Variants in GATB observed in about 807,000 individuals in gnomAD.
GATB encodes glutamyl-tRNA(Gln) amidotransferase subunit B, mitochondrial.
Under a neutral mutation model 62.3 loss-of-function variants are expected in GATB, and 39 were observed. The observed-to-expected ratio is 0.63, with a 90% CI of 0.48 to 0.82. The LOEUF (loss-of-function observed/expected upper bound fraction) is 0.82. Among genes scored for constraint, GATB ranks in the 40% least tolerant of loss-of-function variants. The pLI is 0.00. For missense variants in GATB, 670 were observed against 684.0 expected (o/e 0.98, Z 0.23); for synonymous variants, 276 against 258.9 (o/e 1.07, Z -0.63).
Position 151,716,102 on chromosome 4 carries a change from G to C in GATB, c.670C>G (p.Pro224Ala). ...GCCTCTTCTCCACAGGACATGTCGG[G>C]CTCCAGGACCACCTCCAGAAGGCCC... is the stretch of plus-strand genomic sequence containing the variant. ...GVGLLEVVLE[P>A]DMSCGEEAAT... Residue 224 changes from proline (P) to alanine (A), a missense_variant, in exon 5 of 13, where the codon CCC becomes GCC. Pro to Ala is a conservative substitution (Grantham distance 27). Coordinates refer to ENST00000263985, the MANE Select transcript of GATB (RefSeq NM_004564.3). 1 of 1,613,778 alleles carries C rather than the reference G, an allele frequency of 6.2e-7. No individual in the cohort carries two copies. The highest frequency in any genetic ancestry group is 8.5e-7 in the Non-Finnish European group (1 of 1,179,902).
intron 11 of GATB, chr4:151,674,701 G>C (rs1046470535): frequency 1.3e-5 from 2 of 152,182 alleles, no homozygotes; most frequent in South Asian, 4.1e-4. Context: ...GTATCCATCA[G>C]ATGTATTTAT....
chr4:151,756,306 G>T (rs924723631), intron 2 of GATB, among the ~76,000 whole-genome samples: 1 of 152,160 alleles, frequency 6.6e-6, no homozygotes, highest in Non-Finnish European at 1.5e-5. Flanking sequence ...AGCAGAGTCT[G>T]GCTATCAGAG....
chr4:151,673,143 TCTC>T (rs1312896390), intron 11 of GATB: 1 of 434,920 alleles, frequency 2.3e-6, no homozygotes, highest in African/African-American at 2.0e-5. Context: ...GCACCTGGGG[TCTC>T]CTCCTGAGGC....
intron 5 of GATB, among the ~76,000 whole-genome samples, chr4:151,710,607 C>T (rs753155294): frequency 3.3e-5 from 5 of 152,178 alleles, no homozygotes; most frequent in Non-Finnish European, 7.3e-5. Flanking sequence ...ACACAGGACA[C>T]GCTTGTCTTC....
chr4:151,718,231 C>A (rs1738954640), intron 3 of GATB, among the ~76,000 whole-genome samples: 1 of 152,150 alleles, frequency 6.6e-6, no homozygotes, highest in South Asian at 2.1e-4. Context: ...AAAAGGCTAA[C>A]CCGTTTTCTA....
chr4:151,685,570 G>A (rs899658146), intron 10 of GATB, among the ~76,000 whole-genome samples: 6 of 152,080 alleles, frequency 3.9e-5, no homozygotes, highest in African/African-American at 1.5e-4. Context: ...TGCTGTTCCT[G>A]CACCTGGGCT....
At chr4:151,754,232 T>A (rs1739777443) in intron 2 of GATB, among the ~76,000 whole-genome samples, 1 of 152,346 alleles carries the variant, frequency 6.6e-6, no homozygotes, top group Non-Finnish European at 1.5e-5. Flanking sequence ...AATGCCCATA[T>A]TCAAATTCTA....
At position 151,672,596 on chromosome 4, in the gene GATB, C is replaced by T. The variant is rs1410272347; in HGVS notation, c.1545+166G>A. ...GTGTTTTTCCAATATCCACCTATTT[C>T]ATCTCTTCTGACCTTAACTAAAAAG... is the stretch of plus-strand genomic sequence containing the variant. On this transcript the variant is annotated intron_variant, in intron 12 of 12. Coordinates refer to ENST00000263985, the MANE Select transcript of GATB (RefSeq NM_004564.3). 9.2e-6 allele frequency: 6 copies of T among 650,460 alleles called. No homozygotes were observed. In the Admixed American group the frequency reaches 1.8e-4, roughly 19 times the overall value. The allele number at this position is 650,460 out of a possible 1,614,324, so 40.3% of individuals were successfully genotyped here.
chr4:151,742,452 T>C (rs1201915383), intron 2 of GATB, among the ~76,000 whole-genome samples: 1 of 152,204 alleles, frequency 6.6e-6, no homozygotes, highest in Non-Finnish European at 1.5e-5. Flanking sequence ...CCTTCCCTGC[T>C]CCATTCTGAG....
intron 2 of GATB, among the ~76,000 whole-genome samples, chr4:151,724,644 C>A (rs1299192718): frequency 6.6e-6 from 1 of 152,024 alleles, no homozygotes; most frequent in Non-Finnish European, 1.5e-5. Context: ...GCTGGGAATG[C>A]CCTTCTTCCT....
Position 151,758,835 on chromosome 4 carries a change from G to A in GATB, c.264C>T (p.Arg88=). 5 of 1,610,878 alleles carry A rather than the reference G, an allele frequency of 3.1e-6. No homozygotes were observed. The highest frequency in any genetic ancestry group is 4.2e-6 in the Non-Finnish European group (5 of 1,178,318). The change falls in exon 2 of 13, where the codon CGC becomes CGT. Residue 88 remains arginine (R), a synonymous_variant. Transcript: ENST00000263985. ...CCAAAGAATTTGGAGGTGCTGAAAA[G>A]CGAACTTGAGATCCAGAGAAGAGTT... ...NSKLFSGSQV[R]FSAPPNSLVS... is the part of the protein sequence containing the mutation.
intron 10 of GATB, 102 bp downstream of exon 10, chr4:151,688,528 T>C (rs1738297379): frequency 5.3e-6 from 6 of 1,129,022 alleles, no homozygotes; most frequent in Non-Finnish European, 7.6e-6. Context: ...CAGGATATCC[T>C]GAGGGAGAAC....
intron 8 of GATB, among the ~76,000 whole-genome samples, chr4:151,703,005 C>A (rs1560849812): frequency 6.6e-6 from 1 of 152,150 alleles, no homozygotes; most frequent in Non-Finnish European, 1.5e-5. Flanking sequence ...CCGGACTCCA[C>A]ACTCAGGGGA....
chr4:151,709,531 C>T (rs1397641992), intron 5 of GATB, among the ~76,000 whole-genome samples: 1 of 152,146 alleles, frequency 6.6e-6, no homozygotes, highest in Non-Finnish European at 1.5e-5. Flanking sequence ...CTGAGGTCAT[C>T]TTCTACTTCT....
chr4:151,711,873 T>C (rs966566779), intron 5 of GATB, among the ~76,000 whole-genome samples: 4 of 152,200 alleles, frequency 2.6e-5, no homozygotes. Context: ...GACTGGTTTC[T>C]GTCTCACACT....
chr4:151,739,838 G>C (rs1429815382), intron 2 of GATB, among the ~76,000 whole-genome samples: 1 of 152,226 alleles, frequency 6.6e-6, no homozygotes, highest in Non-Finnish European at 1.5e-5. Flanking sequence ...CCCCATGGCT[G>C]AGCATTCCTA....
At chr4:151,745,627 T>C (rs1435606217) in intron 2 of GATB, among the ~76,000 whole-genome samples, 2 of 152,244 alleles carry the variant, frequency 1.3e-5, no homozygotes, top group African/African-American at 2.4e-5. Flanking sequence ...AGCACAGCAT[T>C]TGCATTGTTT....
chr4:151,753,806 C>A (rs1739768218), intron 2 of GATB, among the ~76,000 whole-genome samples: 1 of 151,958 alleles, frequency 6.6e-6, no homozygotes, highest in African/African-American at 2.4e-5. Flanking sequence ...TTAAGAAAGA[C>A]ATGACCAATA....
chr4:151,675,640 A>G (rs1308383199), intron 11 of GATB: 1 of 152,218 alleles, frequency 6.6e-6, no homozygotes, highest in Admixed American at 6.5e-5. Flanking sequence ...CCACCCTGAG[A>G]AGTGATATCC....
Sources: allele counts gnomAD v4.1 joint callset (sites outside exome capture counted in the v4.1 genomes callset), GRCh38; gene constraint gnomAD v4.1.1; transcripts MANE v1.5; gene names NCBI Gene and HGNC (gene_info 2026-07-23, HGNC 2026-07-21).